Variants in BBS9 observed in about 807,000 individuals in gnomAD.
BBS9 encodes the protein Bardet-Biedl syndrome 9.
In BBS9, 89 loss-of-function variants were observed where a neutral mutation model predicts 117.7. The observed-to-expected ratio is 0.76, with a 90% confidence interval of 0.64 to 0.90. BBS9 has a LOEUF of 0.90. Ranked by LOEUF, BBS9 falls within the 40% of genes least tolerant of loss-of-function variation. The pLI is 0.00. For synonymous variants in BBS9, 379 were observed against 370.9 expected (o/e 1.02, Z -0.25); for missense variants, 982 against 1,042.2 (o/e 0.94, Z 0.80).
chr7:33,228,243 T>G (rs1406229425), intron 5 of BBS9, among the ~76,000 whole-genome samples: 1 of 152,184 alleles, frequency 6.6e-6, no homozygotes, highest in African/African-American at 2.4e-5. Flanking sequence ...ATGTTGAGCA[T>G]TTTTTCATGT....
At chr7:33,584,247 A>G (rs1414889784) in intron 21 of BBS9, among the ~76,000 whole-genome samples, 1 of 151,840 alleles carries the variant, frequency 6.6e-6, no homozygotes, top group Admixed American at 6.6e-5. Flanking sequence ...TATTTTTGGA[A>G]TTTTTTAGGT....
chr7:33,215,085 G>A (rs953808910), intron 5 of BBS9, among the ~76,000 whole-genome samples: 13 of 152,260 alleles, frequency 8.5e-5, no homozygotes, highest in African/African-American at 2.4e-4. Flanking sequence ...CCAGCTACTC[G>A]GGAGGCTGAG....
intron 19 of BBS9, among the ~76,000 whole-genome samples, chr7:33,462,923 T>C (rs935402059): frequency 4.6e-5 from 7 of 152,114 alleles, no homozygotes; most frequent in Non-Finnish European, 1.0e-4. Context: ...AAAGGAAACC[T>C]GAGTGAGTAG....
Position 33,273,915 on chromosome 7 carries a change from A to C in BBS9, c.975A>C (p.Gln325His), listed in dbSNP as rs772777644. The C allele has an allele frequency of 6.2e-7, 1 of 1,613,636 alleles. No homozygotes were observed. The highest frequency in any genetic ancestry group is 8.5e-7 in the Non-Finnish European group (1 of 1,179,684). The change falls in exon 9 of 23, where the codon CAA becomes CAC. Residue 325 changes from glutamine to histidine, a missense_variant. Transcript: ENST00000242067. ...ATGTGACACTGAAGTGGGCCACCCA[A>C]CTTCCCCACATTCCTGTAGCAGTAA... Reference protein sequence around the residue: ...YQDVTLKWATQLPHIPVAVRV... With the variant: ...YQDVTLKWATHLPHIPVAVRV...
At chr7:33,252,242 C>A (rs1470612861) in intron 5 of BBS9, among the ~76,000 whole-genome samples, 2 of 152,140 alleles carry the variant, frequency 1.3e-5, no homozygotes, top group Non-Finnish European at 2.9e-5. Flanking sequence ...CCCTCGTGAT[C>A]CAATTACCTC....
chr7:33,366,867 TTGTC>T (rs1490691564), intron 16 of BBS9, among the ~76,000 whole-genome samples: 5 of 152,122 alleles, frequency 3.3e-5, no homozygotes, highest in African/African-American at 4.8e-5. Flanking sequence ...CTCTGTCACT[TTGTC>T]TGTAAATTGG....
chr7:33,500,817 T>C (rs550756903), intron 19 of BBS9, among the ~76,000 whole-genome samples: 2 of 152,300 alleles, frequency 1.3e-5, no homozygotes, highest in East Asian at 3.9e-4. Flanking sequence ...CTGGAAGTAT[T>C]TGGGATTAAT....
intron 19 of BBS9, among the ~76,000 whole-genome samples, chr7:33,458,122 C>G (rs1026183993): frequency 1.3e-5 from 2 of 152,134 alleles, no homozygotes; most frequent in Admixed American, 6.6e-5. Context: ...TGACTCTGTG[C>G]ACTTTTTTGT....
At chr7:33,567,127 C>T (rs1254766708) in intron 21 of BBS9, among the ~76,000 whole-genome samples, 2 of 152,130 alleles carry the variant, frequency 1.3e-5, no homozygotes, top group African/African-American at 4.8e-5. Context: ...TAAATCAAGT[C>T]CAGACTGTTC....
At chr7:33,225,657 C>T (rs1021157913) in intron 5 of BBS9, among the ~76,000 whole-genome samples, 4 of 149,952 alleles carry the variant, frequency 2.7e-5, no homozygotes, top group Non-Finnish European at 5.9e-5. Flanking sequence ...TATATTTCCT[C>T]TCCCAGAACT....
At chr7:33,575,642 A>G (rs1156777961) in intron 21 of BBS9, among the ~76,000 whole-genome samples, 1 of 152,212 alleles carries the variant, frequency 6.6e-6, no homozygotes. Context: ...ATGAACATCG[A>G]TGTGAAAATC....
At chr7:33,370,775 C>T (rs1822711801) in intron 17 of BBS9, among the ~76,000 whole-genome samples, 1 of 152,186 alleles carries the variant, frequency 6.6e-6, no homozygotes, top group Admixed American at 6.5e-5. Context: ...TCTCTCTCCC[C>T]AGTCTCTCCT....
chr7:33,257,868 G>A (rs1005228466), intron 6 of BBS9, among the ~76,000 whole-genome samples: 3 of 152,196 alleles, frequency 2.0e-5, no homozygotes, highest in South Asian at 4.1e-4. Flanking sequence ...AAAAGAATAT[G>A]TGTGATATAG....
chr7:33,344,227 G>A (rs1241812569), intron 11 of BBS9, among the ~76,000 whole-genome samples: 2 of 151,014 alleles, frequency 1.3e-5, no homozygotes, highest in Admixed American at 6.6e-5. Context: ...GACTACAGGC[G>A]CCCGCCACCG....
At chr7:33,473,786 G>A (rs1373407902) in intron 19 of BBS9, among the ~76,000 whole-genome samples, 1 of 151,984 alleles carries the variant, frequency 6.6e-6, no homozygotes, top group Middle Eastern at 3.2e-3. Flanking sequence ...AAACTTCTAT[G>A]CTATGTTTCC....
intron 5 of BBS9, among the ~76,000 whole-genome samples, chr7:33,180,079 C>T (rs1797882157): frequency 6.6e-6 from 1 of 152,138 alleles, no homozygotes; most frequent in South Asian, 2.1e-4. Context: ...TGGTCACCCG[C>T]TCTGACCTAA....
chr7:33,311,975 A>G (rs1809348888), intron 9 of BBS9, among the ~76,000 whole-genome samples: 1 of 152,228 alleles, frequency 6.6e-6, no homozygotes, highest in South Asian at 2.1e-4. Context: ...TTAATTTTGA[A>G]AGAAAAATAG....
chr7:33,356,778 G>A (rs1438436362), intron 15 of BBS9, among the ~76,000 whole-genome samples: 1 of 151,676 alleles, frequency 6.6e-6, no homozygotes, highest in Non-Finnish European at 1.5e-5. Flanking sequence ...TCCTGCTTTG[G>A]GATCATGTCT....
chr7:33,559,273 CA>C (rs754913448), intron 21 of BBS9, among the ~76,000 whole-genome samples: 4 of 152,084 alleles, frequency 2.6e-5, no homozygotes, highest in Non-Finnish European at 5.9e-5. Flanking sequence ...TCAGAAACCG[CA>C]GGGTATTTGA....
Sources: allele counts gnomAD v4.1 joint callset (sites outside exome capture counted in the v4.1 genomes callset), GRCh38; gene constraint gnomAD v4.1.1; transcripts MANE v1.5; gene names NCBI Gene and HGNC (gene_info 2026-07-23, HGNC 2026-07-21).